Variants in DSCAM observed in about 807,000 individuals in gnomAD.
DSCAM encodes DS cell adhesion molecule.
DSCAM carries 47 observed loss-of-function variants against 217.7 expected under a neutral mutation model. That is an observed-to-expected ratio of 0.22 (90% CI 0.17 to 0.28). The LOEUF (loss-of-function observed/expected upper bound fraction) is 0.28. Ranked by LOEUF, DSCAM falls within the 10% of genes least tolerant of loss-of-function variation. The pLI, the probability that DSCAM is intolerant of heterozygous loss-of-function variation, is 1.00. For synonymous variants in DSCAM, 1,056 were observed against 1,015.3 expected (o/e 1.04, Z -0.76); for missense variants, 2,080 against 2,618.3 (o/e 0.79, Z 4.49).
At chr21:40,563,375 C>T (rs775024698) in intron 3 of DSCAM, among the ~76,000 whole-genome samples, 11 of 150,782 alleles carry the variant, frequency 7.3e-5, no homozygotes, top group Non-Finnish European at 1.3e-4. Context: ...GTAGTATTAT[C>T]ATTGATCTGG....
chr21:40,481,537 A>C (rs2075982974), intron 3 of DSCAM, among the ~76,000 whole-genome samples: 1 of 150,924 alleles, frequency 6.6e-6, no homozygotes. Context: ...CTCCAAAAAA[A>C]AAAAAAAAAA....
At chr21:40,734,292 C>T (rs182606428) in intron 1 of DSCAM, among the ~76,000 whole-genome samples, 1 of 152,112 alleles carries the variant, frequency 6.6e-6, no homozygotes, top group African/African-American at 2.4e-5. Context: ...AAGAGGAGAG[C>T]AGGAGGAAGA....
At chr21:40,196,520 A>G (rs1314562773) in intron 11 of DSCAM, among the ~76,000 whole-genome samples, 1 of 151,958 alleles carries the variant, frequency 6.6e-6, no homozygotes, top group Non-Finnish European at 1.5e-5. Context: ...GATTGAAACA[A>G]CTCAATCCGA....
At chr21:40,185,341 C>T (rs550752738) in intron 14 of DSCAM, among the ~76,000 whole-genome samples, 2 of 152,280 alleles carry the variant, frequency 1.3e-5, no homozygotes, top group South Asian at 4.1e-4. Flanking sequence ...CAGCAGTGCC[C>T]ACTTCACAGG....
chr21:40,350,119 C>A (rs186461689), intron 5 of DSCAM, among the ~76,000 whole-genome samples: 4 of 152,102 alleles, frequency 2.6e-5, no homozygotes, highest in African/African-American at 7.2e-5. Flanking sequence ...TTGTTTACAC[C>A]TTATACGAAA....
intron 3 of DSCAM, among the ~76,000 whole-genome samples, chr21:40,596,038 C>G (rs1367282235): frequency 6.6e-6 from 1 of 152,136 alleles, no homozygotes; most frequent in East Asian, 1.9e-4. Flanking sequence ...AGAACTAGCA[C>G]AAGGCAGAGC....
intron 3 of DSCAM, among the ~76,000 whole-genome samples, chr21:40,503,927 T>C (rs1453931327): frequency 6.6e-6 from 1 of 152,208 alleles, no homozygotes; most frequent in Non-Finnish European, 1.5e-5. Flanking sequence ...GTTATCATTG[T>C]AGTTGGTCAT....
At chr21:40,306,732 G>A (rs1484320982) in intron 9 of DSCAM, among the ~76,000 whole-genome samples, 1 of 152,132 alleles carries the variant, frequency 6.6e-6, no homozygotes, top group East Asian at 1.9e-4. Context: ...TCTGTTATAT[G>A]CTAGATTATA....
At chr21:40,831,093 T>C (rs982673769) in intron 1 of DSCAM, among the ~76,000 whole-genome samples, 1 of 152,178 alleles carries the variant, frequency 6.6e-6, no homozygotes, top group Non-Finnish European at 1.5e-5. Flanking sequence ...AACCAGGCAA[T>C]AAACCGAGTT....
chr21:40,184,816 A>G (rs1307914614), intron 14 of DSCAM, among the ~76,000 whole-genome samples: 1 of 152,168 alleles, frequency 6.6e-6, no homozygotes, highest in Non-Finnish European at 1.5e-5. Context: ...GGAGATAGTG[A>G]GGACACTTAG....
chr21:40,703,660 C>T (rs746325349), intron 2 of DSCAM, among the ~76,000 whole-genome samples: 8 of 152,086 alleles, frequency 5.3e-5, no homozygotes, highest in South Asian at 4.2e-4. Context: ...TTTATTATTG[C>T]GCTGAGCAAT....
At chr21:40,137,594 T>TACACAC (rs3988428) in intron 18 of DSCAM, among the ~76,000 whole-genome samples, 7 of 135,014 alleles carry the variant, frequency 5.2e-5, no homozygotes, top group African/African-American at 1.2e-4. Context: ...GGCTGTTTAA[T>TACACAC]ACACACACAC....
chr21:40,721,790 A>G (rs1192574808), intron 1 of DSCAM, among the ~76,000 whole-genome samples: 1 of 152,168 alleles, frequency 6.6e-6, no homozygotes. Flanking sequence ...AACTTTAATG[A>G]ACACTAGAAC....
intron 21 of DSCAM, among the ~76,000 whole-genome samples, chr21:40,091,370 C>A (rs982878529): frequency 1.3e-5 from 2 of 152,038 alleles, no homozygotes; most frequent in African/African-American, 4.8e-5. Context: ...TCTCTGGGAC[C>A]ACTGTTCCTT....
rs767057153 is a variant in DSCAM at position 40,189,050 on chromosome 21, T to C, written c.2545A>G (p.Thr849Ala). 3.1e-6 allele frequency: 5 copies of C among 1,613,926 alleles called. No homozygotes were observed. In the Admixed American group the frequency reaches 5.0e-5, roughly 16 times the overall value. ...TKEVGEEVISTLQILPTVRED... is the reference protein window; with the variant it reads ...TKEVGEEVISALQILPTVRED... ...ATTTGCCATGCTTTTACCTGCAGAG[T>C]AGAAATCACCTCTTCTCCCACCTCC... The change falls in exon 12 of 33, where the codon ACT (threonine) becomes GCT (alanine). Residue 849 changes from threonine to alanine, a missense_variant. Physicochemically the swap from Thr to Ala is moderately conservative, Grantham distance 58. Around this residue, in one of 5 missense-constraint regions of DSCAM, gnomAD observed 1,144 missense variants for 1,421.1 expected, o/e 0.81. Coordinates refer to ENST00000400454, the MANE Select transcript of DSCAM (RefSeq NM_001389.5).
chr21:40,110,677 G>A (rs2089886329), intron 20 of DSCAM, among the ~76,000 whole-genome samples: 1 of 152,112 alleles, frequency 6.6e-6, no homozygotes, highest in Non-Finnish European at 1.5e-5. Flanking sequence ...AAAAAAATTA[G>A]ACGAATGGCT....
chr21:40,191,103 C>T (rs2090948392), intron 11 of DSCAM, among the ~76,000 whole-genome samples: 1 of 152,174 alleles, frequency 6.6e-6, no homozygotes, highest in Non-Finnish European at 1.5e-5. Context: ...TTCCAAGGTA[C>T]TTGACCATAG....
At chr21:40,367,196 C>A (rs1351213498) in intron 4 of DSCAM, among the ~76,000 whole-genome samples, 1 of 152,146 alleles carries the variant, frequency 6.6e-6, no homozygotes, top group Non-Finnish European at 1.5e-5. Context: ...GACTCTAAGA[C>A]ACAAAGAATT....
chr21:40,476,818 G>A (rs2075940700), intron 3 of DSCAM, among the ~76,000 whole-genome samples: 1 of 152,064 alleles, frequency 6.6e-6, no homozygotes, highest in Non-Finnish European at 1.5e-5. Context: ...TGAGTGGAAA[G>A]TTCTCTACGT....
Sources: allele counts gnomAD v4.1 joint callset (sites outside exome capture counted in the v4.1 genomes callset), GRCh38; gene constraint gnomAD v4.1.1; regional missense constraint gnomAD v4.1.1; transcripts MANE v1.5; gene names NCBI Gene and HGNC (gene_info 2026-07-23, HGNC 2026-07-21).